The following IGF2R variants were observed in gnomAD, a reference collection of about 807,000 sequenced individuals.
The protein encoded by IGF2R is cation-independent mannose-6-phosphate receptor.
A neutral mutation model predicts 270.6 loss-of-function variants in IGF2R; 91 were observed. The ratio of observed to expected loss-of-function variants is 0.34; its 90% confidence interval spans 0.28 to 0.40. IGF2R has a LOEUF of 0.40. Among genes scored for constraint, IGF2R ranks in the 10% least tolerant of loss-of-function variants. The pLI, the probability that IGF2R is intolerant of heterozygous loss-of-function variation, is 1.00. For synonymous variants in IGF2R, 1,316 were observed against 1,258.9 expected (o/e 1.05, Z -0.96); for missense variants, 2,805 against 3,188.3 (o/e 0.88, Z 2.90).
intron 2 of IGF2R, among the ~76,000 whole-genome samples, chr6:159,997,611 C>T (rs1234745397): frequency 4.6e-5 from 7 of 152,138 alleles, no homozygotes; most frequent in Admixed American, 4.6e-4. Flanking sequence ...AAAGGAATAC[C>T]AAGTCCCTCA....
chr6:159,990,737 C>T lies in IGF2R; in HGVS notation c.150-447C>T, dbSNP rs112132809. Among the ~76,000 whole-genome samples, 1,035 of 152,180 alleles carry T rather than the reference C, an allele frequency of 6.8e-3. 8 individuals are homozygous for T. The highest frequency in any genetic ancestry group is 0.023 in the African/African-American group (961 of 41,524). On this transcript the variant is annotated intron_variant, in intron 1 of 47. Transcript: ENST00000356956. ...CTCCGTCTCCCAGGTTGAAGCAGTTCTCCTGCCTCACCCTCCTAGGTAGCT... is the reference window on the plus strand; with the variant it reads ...CTCCGTCTCCCAGGTTGAAGCAGTTTTCCTGCCTCACCCTCCTAGGTAGCT...
At position 160,085,101 on chromosome 6, in the gene IGF2R, C is replaced by G; in HGVS notation, c.6175C>G (p.Leu2059Val). ...TTTGDVQVLG[L>V]VHTQKLGVIG... is the part of the protein sequence containing the mutation. ...AACTGGTGACGTCCAGGTCCTGGGA[C>G]TCGTTCACACGCAGAAGCTGGGTGT... The change falls in exon 41 of 48, where the codon CTC becomes GTC. Residue 2059 changes from leucine to valine, a missense_variant. Coordinates refer to ENST00000356956, the MANE Select transcript of IGF2R (RefSeq NM_000876.4). 1 of 1,613,848 alleles carries G rather than the reference C, an allele frequency of 6.2e-7. No homozygotes were observed. The highest frequency in any genetic ancestry group is 8.5e-7 in the Non-Finnish European group (1 of 1,179,928).
At chr6:160,037,559 CT>C (rs1381490136) in intron 10 of IGF2R, among the ~76,000 whole-genome samples, 7 of 152,138 alleles carry the variant, frequency 4.6e-5, no homozygotes, top group African/African-American at 1.7e-4. Flanking sequence ...GGTTCATGTA[CT>C]TTTCAGGATG....
chr6:160,090,005 C>T lies in IGF2R; in HGVS notation c.6557C>T (p.Pro2186Leu), dbSNP rs202077260. ...QLSSITSSRN[P>L]ACSGANICQV... ...TCCTCCATCACAAGCTCCAGAAACCCGGCGTGCTCTGGAGCCAACATATGC... is the reference window on the plus strand; with the variant it reads ...TCCTCCATCACAAGCTCCAGAAACCTGGCGTGCTCTGGAGCCAACATATGC... The change falls in exon 44 of 48, where the codon CCG (proline) becomes CTG (leucine). Residue 2186 changes from proline to leucine, a missense_variant. Pro to Leu is a moderately conservative substitution (Grantham distance 98, BLOSUM62 -3). Around this residue, in one of 2 missense-constraint regions of IGF2R, gnomAD observed 1,851 missense variants for 2,207.2 expected, o/e 0.84. Coordinates refer to ENST00000356956, the MANE Select transcript of IGF2R (RefSeq NM_000876.4). 9.3e-6 allele frequency: 15 copies of T among 1,606,452 alleles called. No individual in the cohort carries two copies. Among genetic ancestry groups the T allele is most frequent in the East Asian group, 2.3e-5 (1 of 44,328 alleles).
intron 4 of IGF2R, among the ~76,000 whole-genome samples, chr6:160,022,984 A>G (rs924256690): frequency 2.6e-5 from 4 of 152,116 alleles, no homozygotes; most frequent in Non-Finnish European, 5.9e-5. Context: ...GTGGTAGGTT[A>G]GGGCGGTGTC....
intron 45 of IGF2R, among the ~76,000 whole-genome samples, chr6:160,101,727 G>A (rs375519303): frequency 6.6e-6 from 1 of 152,226 alleles, no homozygotes; most frequent in Non-Finnish European, 1.5e-5. Context: ...GTGTCAAGTC[G>A]TTACACTCTT....
chr6:160,050,144 C>T lies in IGF2R; in HGVS notation c.2515-329C>T, dbSNP rs146721704. ...AAGAACATCTTACACGATTATTGAACGAAAGCCTTATGATTCCAATGCCAG... is the reference window on the plus strand; with the variant it reads ...AAGAACATCTTACACGATTATTGAATGAAAGCCTTATGATTCCAATGCCAG... On this transcript the variant is annotated intron_variant, in intron 18 of 47. Coordinates refer to ENST00000356956, the MANE Select transcript of IGF2R (RefSeq NM_000876.4). The surrounding 1 kb of genome is among the most constrained non-coding windows in gnomAD (Gnocchi z 4.0). Among the ~76,000 whole-genome samples the T allele has an allele frequency of 2.2e-4, 34 of 152,294 alleles. No individual in the cohort carries two copies. The highest frequency in any genetic ancestry group is 5.3e-4 in the African/African-American group (22 of 41,546).
intron 31 of IGF2R, among the ~76,000 whole-genome samples, chr6:160,071,177 GAA>G (rs1778719833): frequency 2.7e-5 from 4 of 148,430 alleles, no homozygotes; most frequent in East Asian, 2.1e-4. Flanking sequence ...AGGGAAAGGT[GAA>G]GGGTGTGTGG....
intron 2 of IGF2R, among the ~76,000 whole-genome samples, chr6:160,008,427 T>C (rs532917295): frequency 4.7e-4 from 71 of 152,342 alleles, no homozygotes; most frequent in Non-Finnish European, 8.4e-4. Flanking sequence ...TTTATTCCTA[T>C]GCCAACCCCC....
intron 44 of IGF2R, 28 bp downstream of exon 44, chr6:160,090,131 A>T: frequency 1.4e-6 from 2 of 1,419,742 alleles, no homozygotes; most frequent in South Asian, 3.1e-5. Flanking sequence ...ACAAAGTTCC[A>T]CATTTAACTT....
At chr6:160,104,159 A>C (rs989480836) in intron 47 of IGF2R, among the ~76,000 whole-genome samples, 4 of 152,134 alleles carry the variant, frequency 2.6e-5, no homozygotes, top group Non-Finnish European at 5.9e-5. Context: ...TTTCAGGTAA[A>C]TTTGCAGAAA....
chr6:160,022,049 A>G (rs1777450717), intron 4 of IGF2R, among the ~76,000 whole-genome samples: 1 of 121,614 alleles, frequency 8.2e-6, no homozygotes, highest in Non-Finnish European at 1.8e-5. Context: ...CACGTCTATC[A>G]TGGAATACCA....
At chr6:160,086,890 C>A (rs894035823) in intron 41 of IGF2R, among the ~76,000 whole-genome samples, 1 of 152,072 alleles carries the variant, frequency 6.6e-6, no homozygotes, top group African/African-American at 2.4e-5. Flanking sequence ...TGTGTGTGGT[C>A]AGGGTGGAAG....
chr6:160,032,734 T>A (rs1562350418), intron 8 of IGF2R, 21 bp downstream of exon 8: 1 of 1,611,204 alleles, frequency 6.2e-7, no homozygotes, highest in Admixed American at 1.7e-5. Context: ...GCTTTCTGCC[T>A]CCTGGCGCTG....
chr6:160,078,246 G>C lies in IGF2R; in HGVS notation c.5362G>C (p.Glu1788Gln), dbSNP rs760669715. The C allele has an allele frequency of 6.2e-7, 1 of 1,614,196 alleles. No homozygotes were observed. Among genetic ancestry groups the C allele is most frequent in the African/African-American group, 1.3e-5 (1 of 75,052 alleles). Reference sequence around the variant, plus strand: ...GACCAGCGAGTGCGACTTTGTGTTCGAATGGGAGACTCCTGTCGTCTGTCC... The same window carrying C: ...GACCAGCGAGTGCGACTTTGTGTTCCAATGGGAGACTCCTGTCGTCTGTCC... ...LRTSECDFVF[E>Q]WETPVVCPDE... is the part of the protein sequence containing the mutation. The change falls in exon 37 of 48, where the codon GAA becomes CAA. Residue 1788 changes from glutamate to glutamine, a missense_variant. By Grantham distance (29) the Glu-to-Gln change is conservative. Coordinates refer to ENST00000356956, the MANE Select transcript of IGF2R (RefSeq NM_000876.4).
chr6:160,083,526 T>A (rs1279627513), intron 39 of IGF2R, among the ~76,000 whole-genome samples: 1 of 152,212 alleles, frequency 6.6e-6, no homozygotes, highest in Non-Finnish European at 1.5e-5. Flanking sequence ...CAGGTCTTTC[T>A]CATCCCACGA....
intron 7 of IGF2R, 82 bp from the exon 8 acceptor site, chr6:160,032,469 G>T: frequency 7.6e-7 from 1 of 1,309,186 alleles, no homozygotes; most frequent in South Asian, 1.4e-5. Context: ...ACCTGTCTTT[G>T]AGCTTTTCAT....
At chr6:159,983,476 A>T (rs542333088) in intron 1 of IGF2R, among the ~76,000 whole-genome samples, 1 of 152,380 alleles carries the variant, frequency 6.6e-6, no homozygotes, top group South Asian at 2.1e-4. Flanking sequence ...GATTACAGTC[A>T]GGAGCAAAAC....
chr6:160,092,761 G>A (rs3777399), intron 44 of IGF2R, among the ~76,000 whole-genome samples: 22,852 of 152,138 alleles, frequency 0.15, 1,844 homozygotes, highest in Middle Eastern at 0.26. Context: ...GAGCGGAGCC[G>A]CACCGCCTGT....
Sources: allele counts gnomAD v4.1 joint callset (sites outside exome capture counted in the v4.1 genomes callset), GRCh38; gene constraint gnomAD v4.1.1; regional missense constraint gnomAD v4.1.1; non-coding constraint Gnocchi (gnomAD v3.1); transcripts MANE v1.5; gene names NCBI Gene and HGNC (gene_info 2026-07-23, HGNC 2026-07-21).